WDPCP: variants seen among roughly 807,000 people sequenced by gnomAD.
WDPCP encodes WD repeat-containing and planar cell polarity effector protein fritz homolog.
WDPCP carries 71 observed loss-of-function variants against 93.1 expected under a neutral mutation model. That is an observed-to-expected ratio of 0.76 (90% CI 0.63 to 0.93). The LOEUF (loss-of-function observed/expected upper bound fraction) is 0.93, where lower values mean the gene tolerates loss of function less well. WDPCP is among the 40% of genes least tolerant of loss of function. The probability of loss-of-function intolerance (pLI) is 0.00; values close to 1 mark genes in which losing one functional copy is unlikely to be tolerated. For missense variants in WDPCP, 844 were observed against 887.4 expected, an observed-to-expected ratio of 0.95 and a Z score of 0.62; for synonymous variants, 315 against 315.0, an observed-to-expected ratio of 1.00 and a Z score of 0.00.
chr2:63,228,706 G>C (rs914787286), intron 14 of WDPCP: 1 of 151,940 alleles, frequency 6.6e-6, no homozygotes, highest in Non-Finnish European at 1.5e-5. Flanking sequence ...CCTTGCGGTA[G>C]TTTGCTGAGA....
intron 13 of WDPCP, among the ~76,000 whole-genome samples, chr2:63,307,268 C>G (rs1233145244): frequency 1.3e-5 from 2 of 152,180 alleles, no homozygotes; most frequent in Non-Finnish European, 2.9e-5. Context: ...ATATTCCATG[C>G]TCATGGATAG....
intron 12 of WDPCP, chr2:63,368,955 T>C (rs1483585323): frequency 6.5e-6 from 1 of 153,250 alleles, no homozygotes; most frequent in African/African-American, 2.4e-5. Flanking sequence ...CTTTTCAGAC[T>C]TCAATAGAGT....
intron 12 of WDPCP, among the ~76,000 whole-genome samples, chr2:63,321,386 CTGTGTGTGTGTGTGTGTG>C (rs59970085): frequency 6.7e-6 from 1 of 148,528 alleles, no homozygotes; most frequent in South Asian, 2.2e-4. Flanking sequence ...TATATACACT[CTGTGTGTGTGTGTGTGTG>C]TGTGTGTGTG....
chr2:63,356,983 C>A (rs1052959787), intron 12 of WDPCP, among the ~76,000 whole-genome samples: 11 of 152,130 alleles, frequency 7.2e-5, no homozygotes, highest in African/African-American at 2.7e-4. Context: ...ACATCCACAA[C>A]CATCTAACCT....
intron 3 of WDPCP, among the ~76,000 whole-genome samples, chr2:63,623,717 G>C (rs1709775389): frequency 6.6e-6 from 1 of 152,116 alleles, no homozygotes; most frequent in African/African-American, 2.4e-5. Flanking sequence ...AAGAGACTTA[G>C]ACTCCCACAC....
intron 2 of WDPCP, among the ~76,000 whole-genome samples, chr2:63,722,912 G>A (rs998295363): frequency 1.6e-4 from 25 of 151,926 alleles, no homozygotes; most frequent in African/African-American, 5.3e-4. Context: ...AAGTAGACAT[G>A]GGAGACTTTT....
intron 16 of WDPCP, 86 bp from the exon 17 acceptor site, chr2:63,153,031 A>G (rs1319290725): frequency 1.9e-6 from 2 of 1,066,600 alleles, no homozygotes; most frequent in African/African-American, 3.2e-5. Context: ...AAAAACAGAA[A>G]TGCTTAAAAT....
chr2:63,543,540 A>T (rs1434947362), intron 1 of WDPCP, among the ~76,000 whole-genome samples: 2 of 152,046 alleles, frequency 1.3e-5, no homozygotes, highest in African/African-American at 4.8e-5. Context: ...CTCCAAATTA[A>T]GACTTAAGGC....
At chr2:63,264,867 A>G (rs1397752004) in intron 13 of WDPCP, among the ~76,000 whole-genome samples, 6 of 152,242 alleles carry the variant, frequency 3.9e-5, no homozygotes, top group Admixed American at 3.3e-4. Flanking sequence ...CTGAAATCAT[A>G]TATTTTCTGA....
chr2:63,329,219 T>C (rs1396267273), intron 12 of WDPCP, among the ~76,000 whole-genome samples: 2 of 152,188 alleles, frequency 1.3e-5, no homozygotes, highest in African/African-American at 2.4e-5. Flanking sequence ...GCCCTGGCAA[T>C]AACTATTCTA....
At chr2:63,565,845 T>G (rs1275858244) in intron 1 of WDPCP, among the ~76,000 whole-genome samples, 3 of 152,080 alleles carry the variant, frequency 2.0e-5, no homozygotes, top group Non-Finnish European at 4.4e-5. Context: ...ATCCTTGACA[T>G]CTCCCTCTCT....
chr2:63,451,831 C>T (rs1242350711), intron 6 of WDPCP, among the ~76,000 whole-genome samples: 1 of 152,146 alleles, frequency 6.6e-6, no homozygotes, highest in African/African-American at 2.4e-5. Flanking sequence ...TAAACAGAAC[C>T]AACGACAAAA....
chr2:63,271,954 A>G (rs531668413), intron 13 of WDPCP, among the ~76,000 whole-genome samples: 1 of 152,066 alleles, frequency 6.6e-6, no homozygotes, highest in South Asian at 2.1e-4. Context: ...CATTGCTAAC[A>G]TCATACATGC....
chr2:63,211,804 G>A (rs1010453101), intron 14 of WDPCP, among the ~76,000 whole-genome samples: 1 of 152,134 alleles, frequency 6.6e-6, no homozygotes, highest in Non-Finnish European at 1.5e-5. Flanking sequence ...ACCATGGCAC[G>A]AGAACTATGT....
intron 6 of WDPCP, among the ~76,000 whole-genome samples, chr2:63,466,304 GA>G (rs1247840494): frequency 6.6e-6 from 1 of 151,060 alleles, no homozygotes; most frequent in Non-Finnish European, 1.5e-5. Context: ...TTTTATTTTT[GA>G]AAAAAACACT....
rs748983772 is a variant in WDPCP at position 63,259,379 on chromosome 2, C to T, written c.1843G>A (p.Glu615Lys). The change falls in exon 14 of 18, where the codon GAA becomes AAA. Residue 615 changes from glutamate to lysine, a missense_variant. Coordinates refer to ENST00000272321, the MANE Select transcript of WDPCP (RefSeq NM_015910.7). ...CTTGCCACTTCAGCTAGTGCCAATT[C>T]ACCTTTATCTAGTGCAAGGTAATGA... ...DIHYLALDKG[E>K]LALAEVARKR... 1.2e-6 allele frequency: 2 copies of T among 1,612,228 alleles called. No individual in the cohort carries two copies. The highest frequency in any genetic ancestry group is 1.1e-5 in the South Asian group (1 of 91,060).
intron 6 of WDPCP, among the ~76,000 whole-genome samples, chr2:63,451,872 A>T (rs1698274558): frequency 6.6e-6 from 1 of 152,250 alleles, no homozygotes; most frequent in African/African-American, 2.4e-5. Context: ...GATGCAGAAA[A>T]GGCCTTTGAC....
chr2:63,264,134 A>G (rs1342394772), intron 13 of WDPCP, among the ~76,000 whole-genome samples: 2 of 152,210 alleles, frequency 1.3e-5, no homozygotes, highest in African/African-American at 4.8e-5. Context: ...ATGCCTAGCT[A>G]TCATGGTTAT....
chr2:63,267,616 G>A (rs1682250072), intron 13 of WDPCP, among the ~76,000 whole-genome samples: 1 of 152,054 alleles, frequency 6.6e-6, no homozygotes, highest in South Asian at 2.1e-4. Flanking sequence ...AAATATATAA[G>A]GAATTCAAAC....
Sources: gnomAD v4.1 joint callset for allele counts (sites outside exome capture counted in the v4.1 genomes callset) on GRCh38, gnomAD v4.1.1 for gene constraint, MANE v1.5 for transcripts, NCBI Gene and HGNC (gene_info 2026-07-23, HGNC 2026-07-21) for gene names.